The following RIMBP2 variants were observed in gnomAD, a reference collection of about 807,000 sequenced individuals.
The protein encoded by RIMBP2 is RIMS binding protein 2, also known as RIMS-binding protein 2.
A neutral mutation model predicts 118.6 loss-of-function variants in RIMBP2; 48 were observed. That is an observed-to-expected ratio of 0.40 (90% CI 0.32 to 0.51). The LOEUF (loss-of-function observed/expected upper bound fraction) is 0.51. Ranked by LOEUF, RIMBP2 falls within the 20% of genes least tolerant of loss-of-function variation. The probability of loss-of-function intolerance (pLI) is 0.41; values close to 1 mark genes in which losing one functional copy is unlikely to be tolerated. For missense variants in RIMBP2, 1,551 were observed against 1,768.3 expected, an observed-to-expected ratio of 0.88 and a Z score of 2.20; for synonymous variants, 762 against 742.9, an observed-to-expected ratio of 1.03 and a Z score of -0.42.
chr12:130,612,359 T>C (rs1481814569), intron 2 of RIMBP2, among the ~76,000 whole-genome samples: 1 of 152,124 alleles, frequency 6.6e-6, no homozygotes, highest in African/African-American at 2.4e-5. Context: ...CTCTCATGTA[T>C]GAATATTTAC....
chr12:130,436,368 TAC>T (rs1378949765), intron 13 of RIMBP2, among the ~76,000 whole-genome samples: 1 of 152,130 alleles, frequency 6.6e-6, no homozygotes, highest in Non-Finnish European at 1.5e-5. Flanking sequence ...TGAGGGTGCA[TAC>T]AGATACGTGT....
At chr12:130,545,711 G>A (rs1453785691) in intron 2 of RIMBP2, among the ~76,000 whole-genome samples, 1 of 152,210 alleles carries the variant, frequency 6.6e-6, no homozygotes, top group Non-Finnish European at 1.5e-5. Flanking sequence ...GAGGAGAGGG[G>A]AGCGCCGTGC....
At chr12:130,460,367 T>C (rs1048090543) in intron 6 of RIMBP2, among the ~76,000 whole-genome samples, 1 of 152,274 alleles carries the variant, frequency 6.6e-6, no homozygotes, top group Admixed American at 6.5e-5. Flanking sequence ...TTGGTATTGA[T>C]GAGCAGTACT....
intron 1 of RIMBP2, among the ~76,000 whole-genome samples, chr12:130,676,649 A>AAC (rs1369274275): frequency 6.6e-6 from 1 of 152,050 alleles, no homozygotes; most frequent in Non-Finnish European, 1.5e-5. Flanking sequence ...AAGAAAAGAA[A>AAC]ACACACACAC....
intron 2 of RIMBP2, among the ~76,000 whole-genome samples, chr12:130,555,367 A>G (rs2056250231): frequency 1.3e-5 from 2 of 152,238 alleles, no homozygotes. Flanking sequence ...GTTAGTCAAA[A>G]TGAGAAGCAG....
At chr12:130,712,109 GGTGA>G (rs964121048) in intron 1 of RIMBP2, among the ~76,000 whole-genome samples, 4 of 152,306 alleles carry the variant, frequency 2.6e-5, no homozygotes, top group Admixed American at 6.5e-5. Flanking sequence ...ACTCTGGGTG[GGTGA>G]GTGAGTGAGT....
Position 130,412,662 on chromosome 12 carries a change from A to C in RIMBP2, c.3546T>G (p.Leu1182=), listed in dbSNP as rs1024920934. ...TATTCAGAGGGAGAAAGCCCTGTCT[A>C]AGAAGCTGATCCATCATCTCCTCAT... ...ADDEEMMDQL[L]RQGFLPLNTP... is the part of the protein sequence containing the mutation. Residue 1182 remains leucine, a synonymous_variant, in exon 19 of 23, where the codon CTT becomes CTG. Coordinates refer to ENST00000690449, the MANE Select transcript of RIMBP2 (RefSeq NM_001393629.1). 80 of 1,613,842 alleles carry C rather than the reference A, an allele frequency of 5.0e-5. No individual in the cohort carries two copies. Among genetic ancestry groups the C allele is most frequent in the Non-Finnish European group, 6.7e-5 (79 of 1,179,978 alleles).
intron 6 of RIMBP2, among the ~76,000 whole-genome samples, chr12:130,459,838 G>T (rs2079818695): frequency 6.6e-6 from 1 of 152,110 alleles, no homozygotes; most frequent in African/African-American, 2.4e-5. Flanking sequence ...CTGTGGTTTG[G>T]TCCCCAGGGC....
At chr12:130,646,058 A>ACCACCTGCCTCT (rs1276168428) in intron 1 of RIMBP2, among the ~76,000 whole-genome samples, 2 of 114,260 alleles carry the variant, frequency 1.8e-5, no homozygotes, top group Non-Finnish European at 3.8e-5. Context: ...CACCTCCCTC[A>ACCACCTGCCTCT]CCACCTGCCT....
chr12:130,448,291 CG>C (rs2078709164), intron 9 of RIMBP2, among the ~76,000 whole-genome samples: 1 of 152,154 alleles, frequency 6.6e-6, no homozygotes, highest in South Asian at 2.1e-4. Flanking sequence ...GGTCAGTCCT[CG>C]GGGGACATTA....
At chr12:130,521,312 A>C (rs780105291) in intron 2 of RIMBP2, among the ~76,000 whole-genome samples, 8 of 152,208 alleles carry the variant, frequency 5.3e-5, no homozygotes, top group Non-Finnish European at 1.2e-4. Flanking sequence ...CACGCTTGAG[A>C]TCAGAAGGCC....
rs562948799 is a variant in RIMBP2, at chr12:130,515,098, A to G, written c.-127+2730T>C. On this transcript the variant is annotated intron_variant, in intron 3 of 22. Transcript: ENST00000690449. Reference sequence around the variant, plus strand: ...TCACCGTGTTAGCCAGGATGGTCTCAATCTCCTGACCTCGTGATCCGCCCG... The same window carrying G: ...TCACCGTGTTAGCCAGGATGGTCTCGATCTCCTGACCTCGTGATCCGCCCG... Among the ~76,000 whole-genome samples the G allele has an allele frequency of 2.7e-3, 414 of 152,152 alleles. 1 individual carries two copies. Among genetic ancestry groups the G allele is most frequent in the African/African-American group, 9.4e-3 (391 of 41,502 alleles).
At chr12:130,700,548 A>G (rs2065808140) in intron 1 of RIMBP2, among the ~76,000 whole-genome samples, 1 of 152,194 alleles carries the variant, frequency 6.6e-6, no homozygotes, top group Non-Finnish European at 1.5e-5. Flanking sequence ...ATAGAGCCGC[A>G]GGAGAAGGCC....
At chr12:130,468,267 C>G (rs2080684003) in intron 6 of RIMBP2, among the ~76,000 whole-genome samples, 1 of 152,220 alleles carries the variant, frequency 6.6e-6, no homozygotes, top group African/African-American at 2.4e-5. Flanking sequence ...TTCCCAGGAG[C>G]TGGCCTCACA....
intron 7 of RIMBP2, 76 bp downstream of exon 7, chr12:130,456,420 C>G: frequency 7.4e-7 from 1 of 1,349,394 alleles, no homozygotes; most frequent in Non-Finnish European, 1.0e-6. Context: ...ACCGATTTCA[C>G]CTGTGCACAC....
chr12:130,489,541 TGTCTCCTGTAGAGGCTCC>T (rs1212067665), intron 4 of RIMBP2, among the ~76,000 whole-genome samples: 22 of 152,236 alleles, frequency 1.4e-4, no homozygotes, highest in South Asian at 2.1e-4. Flanking sequence ...CCTCTCGAGC[TGTCTCCTGTAGAGGCTCC>T]GTCTCCTGTA....
At position 130,424,305 on chromosome 12, in the gene RIMBP2, G is replaced by A; in HGVS notation, c.2966C>T (p.Pro989Leu). ...GGGCGGCCTCTCCGGGCCGGGCTGG[G>A]GGTCGTCGTTCCTGAGGAGGCCACC... ...GPGGLLRNDD[P>L]QPGPERPPPR... The change falls in exon 16 of 23, where the codon CCC (proline) becomes CTC (leucine). Residue 989 changes from proline (P) to leucine (L), a missense_variant. Transcript: ENST00000690449. This position sits in a 1 kb window ranked among gnomAD's most constrained non-coding sequence, Gnocchi z 9.8. 8.1e-7 allele frequency: 1 copy of A among 1,231,546 alleles called. No homozygotes were observed. Among genetic ancestry groups the A allele is most frequent in the Non-Finnish European group, 1.0e-6 (1 of 987,768 alleles). 76.3% of individuals were successfully genotyped at this position (1,231,546 alleles called of 1,614,324 possible).
intron 2 of RIMBP2, among the ~76,000 whole-genome samples, chr12:130,601,653 T>C (rs1256790625): frequency 1.3e-5 from 2 of 152,190 alleles, no homozygotes; most frequent in East Asian, 1.9e-4. Flanking sequence ...CCAAAGTCAC[T>C]CTGAATTCAT....
chr12:130,449,077 A>G (rs979424172), intron 9 of RIMBP2, among the ~76,000 whole-genome samples: 4 of 152,222 alleles, frequency 2.6e-5, no homozygotes, highest in Non-Finnish European at 2.9e-5. Context: ...TGGCTGCCCG[A>G]TGCCAGCTGA....
Sources: gnomAD v4.1 joint callset for allele counts (sites outside exome capture counted in the v4.1 genomes callset) on GRCh38, gnomAD v4.1.1 for gene constraint, Gnocchi (gnomAD v3.1) non-coding constraint, MANE v1.5 for transcripts, NCBI Gene and HGNC (gene_info 2026-07-23, HGNC 2026-07-21) for gene names.